Variants in COL21A1 observed in about 807,000 individuals in gnomAD.
COL21A1 encodes the protein collagen alpha-1(XXI) chain.
Under a neutral mutation model 137.9 loss-of-function variants are expected in COL21A1, and 149 were observed. The ratio of observed to expected loss-of-function variants is 1.08; its 90% CI spans 0.95 to 1.24. The LOEUF (loss-of-function observed/expected upper bound fraction) is 1.24, where lower values mean the gene tolerates loss of function less well. COL21A1 is among the 50% of genes most tolerant of loss of function. The pLI, the probability that COL21A1 is intolerant of heterozygous loss-of-function variation, is 0.00. For missense variants in COL21A1, 1,167 were observed against 1,158.4 expected, an observed-to-expected ratio of 1.01 and a Z score of -0.11; for synonymous variants, 456 against 391.5, an observed-to-expected ratio of 1.16 and a Z score of -1.95.
At chr6:56,338,524 C>T (rs1750565790) in intron 1 of COL21A1, among the ~76,000 whole-genome samples, 1 of 152,144 alleles carries the variant, frequency 6.6e-6, no homozygotes, top group Non-Finnish European at 1.5e-5. Flanking sequence ...TGCAAGGTGG[C>T]CTAAGCCCAG....
intron 19 of COL21A1, among the ~76,000 whole-genome samples, chr6:56,074,564 G>A (rs780788332): frequency 2.0e-5 from 3 of 151,314 alleles, no homozygotes; most frequent in Non-Finnish European, 3.0e-5. Flanking sequence ...GCTAGTAAAA[G>A]AAAAATATAA....
At chr6:56,272,625 C>T (rs1456109470) in intron 1 of COL21A1, among the ~76,000 whole-genome samples, 1 of 152,070 alleles carries the variant, frequency 6.6e-6, no homozygotes, top group African/African-American at 2.4e-5. Flanking sequence ...ACCCAAATCT[C>T]ATCTCCAATT....
intron 17 of COL21A1, among the ~76,000 whole-genome samples, chr6:56,097,868 T>TATATAA (rs1485379707): frequency 2.3e-5 from 2 of 86,270 alleles, no homozygotes; most frequent in African/African-American, 1.2e-4. Context: ...TATATAAAAA[T>TATATAA]ATCTATAAAT....
chr6:56,385,692 A>G (rs901543610), intron 1 of COL21A1, among the ~76,000 whole-genome samples: 1 of 151,968 alleles, frequency 6.6e-6, no homozygotes, highest in Admixed American at 6.6e-5. Flanking sequence ...CCCAAAAGAA[A>G]TCCTGTACCC....
At chr6:56,086,712 A>T (rs1465038532) in intron 17 of COL21A1, among the ~76,000 whole-genome samples, 1 of 152,128 alleles carries the variant, frequency 6.6e-6, no homozygotes, top group African/African-American at 2.4e-5. Flanking sequence ...TTGTGAAAGC[A>T]CACTGTAATT....
At chr6:56,108,681 G>A (rs1011511273) in intron 16 of COL21A1, among the ~76,000 whole-genome samples, 23 of 151,732 alleles carry the variant, frequency 1.5e-4, no homozygotes, top group African/African-American at 5.6e-4. Flanking sequence ...GTTCAAGACA[G>A]GCCAAACAAA....
intron 1 of COL21A1, among the ~76,000 whole-genome samples, chr6:56,270,101 GC>G (rs1763488444): frequency 6.6e-6 from 1 of 152,046 alleles, no homozygotes; most frequent in Non-Finnish European, 1.5e-5. Context: ...TAATGTCCCT[GC>G]CCCACTTAAA....
chr6:56,301,861 C>G (rs200122785), intron 1 of COL21A1, among the ~76,000 whole-genome samples: 1 of 117,192 alleles, frequency 8.5e-6, no homozygotes, highest in African/African-American at 2.9e-5. Flanking sequence ...TTCTCCCCCC[C>G]CCAATCCCAC....
At chr6:56,377,278 C>T (rs999539895) in intron 1 of COL21A1, among the ~76,000 whole-genome samples, 2 of 152,070 alleles carry the variant, frequency 1.3e-5, no homozygotes, top group Non-Finnish European at 2.9e-5. Flanking sequence ...CGTGAGCCAC[C>T]GCGCCCGGCC....
intron 10 of COL21A1, among the ~76,000 whole-genome samples, chr6:56,156,095 T>G (rs1365729532): frequency 3.3e-5 from 5 of 152,210 alleles, no homozygotes; most frequent in African/African-American, 1.2e-4. Flanking sequence ...GAAAATAACA[T>G]TACCTTTAAA....
At chr6:56,197,991 G>A (rs1025376897) in intron 1 of COL21A1, among the ~76,000 whole-genome samples, 2 of 151,972 alleles carry the variant, frequency 1.3e-5, no homozygotes, top group Non-Finnish European at 2.9e-5. Flanking sequence ...AGAAACTGGG[G>A]TGTGTGTACA....
At chr6:56,378,884 A>G (rs865832162) in intron 1 of COL21A1, among the ~76,000 whole-genome samples, 1 of 152,180 alleles carries the variant, frequency 6.6e-6, no homozygotes, top group Admixed American at 6.5e-5. Flanking sequence ...GAACACAGAA[A>G]GAGACTCTGT....
intron 3 of COL21A1, among the ~76,000 whole-genome samples, chr6:56,171,828 T>C (rs527934650): frequency 6.6e-6 from 1 of 151,962 alleles, no homozygotes; most frequent in East Asian, 1.9e-4. Flanking sequence ...TAGTCAGCTA[T>C]ATAGGTAATA....
At chr6:56,146,087 T>C (rs1313128060) in intron 10 of COL21A1, among the ~76,000 whole-genome samples, 2 of 152,172 alleles carry the variant, frequency 1.3e-5, no homozygotes, top group Non-Finnish European at 2.9e-5. Flanking sequence ...AATCTAAATA[T>C]ACACATTTTT....
chr6:56,384,647 T>G (rs1044982792), intron 1 of COL21A1, among the ~76,000 whole-genome samples: 1 of 152,204 alleles, frequency 6.6e-6, no homozygotes, highest in Admixed American at 6.5e-5. Flanking sequence ...AAACAACAGA[T>G]TCTGTGTAGA....
chr6:56,186,746 T>C (rs1219221896), intron 1 of COL21A1, among the ~76,000 whole-genome samples: 2 of 152,108 alleles, frequency 1.3e-5, no homozygotes, highest in African/African-American at 2.4e-5. Context: ...TAATGAAATA[T>C]GGAAAGACCC....
chr6:56,126,258 G>T, intron 12 of COL21A1, 109 bp from the exon 13 acceptor site: 1 of 671,106 alleles, frequency 1.5e-6, no homozygotes, highest in Non-Finnish European at 2.6e-6. Context: ...AAATCTATCT[G>T]CAAACAGTTA....
chr6:56,256,966 C>A lies in COL21A1; in HGVS notation c.-38-74310G>T, dbSNP rs1001348214. Among the ~76,000 whole-genome samples the A allele has an allele frequency of 4.6e-5, 7 of 152,078 alleles. No individual in the cohort carries two copies. In the South Asian group the frequency reaches 1.5e-3, roughly 32 times the overall value. On this transcript the variant is annotated intron_variant, in intron 1 of 28. Transcript: ENST00000370819. Reference sequence around the variant, plus strand: ...GAGGAGCTCTAAATTTAAATTTATACAAAATCAGATACAGACTCTGATGAA... The same window carrying A: ...GAGGAGCTCTAAATTTAAATTTATAAAAAATCAGATACAGACTCTGATGAA...
At chr6:56,226,908 G>A (rs963461003) in intron 1 of COL21A1, among the ~76,000 whole-genome samples, 8 of 151,918 alleles carry the variant, frequency 5.3e-5, no homozygotes, top group Non-Finnish European at 1.0e-4. Flanking sequence ...TTTTTAAGTA[G>A]ATAAGATTCC....
Sources: gnomAD v4.1 joint callset for allele counts (sites outside exome capture counted in the v4.1 genomes callset) on GRCh38, gnomAD v4.1.1 for gene constraint, MANE v1.5 for transcripts, NCBI Gene and HGNC (gene_info 2026-07-23, HGNC 2026-07-21) for gene names.